PPP4R4: variants seen among roughly 807,000 people sequenced by gnomAD.
The protein encoded by PPP4R4 is protein phosphatase 4 regulatory subunit 4.
PPP4R4 carries 70 observed loss-of-function variants against 121.8 expected under a neutral mutation model. That is an observed-to-expected ratio of 0.57 (90% CI 0.47 to 0.70). PPP4R4 has a LOEUF of 0.70. PPP4R4 is among the 30% of genes least tolerant of loss of function. PPP4R4 has a pLI of 0.00. For synonymous variants in PPP4R4, 348 were observed against 355.7 expected, an observed-to-expected ratio of 0.98 and a Z score of 0.24; for missense variants, 875 against 1,033.6, an observed-to-expected ratio of 0.85 and a Z score of 2.10.
chr14:94,198,828 C>A (rs140053626), intron 2 of PPP4R4, among the ~76,000 whole-genome samples: 52 of 152,258 alleles, frequency 3.4e-4, no homozygotes, highest in African/African-American at 1.2e-3. Flanking sequence ...AACTCAATTG[C>A]GCATTTATGT....
chr14:94,233,057 C>CAAA (rs11399509), intron 5 of PPP4R4, among the ~76,000 whole-genome samples: 1 of 135,010 alleles, frequency 7.4e-6, no homozygotes, highest in Non-Finnish European at 1.6e-5. Flanking sequence ...GACTCCGTCT[C>CAAA]AAAAAAAAAA....
intron 3 of PPP4R4, among the ~76,000 whole-genome samples, chr14:94,218,230 A>C (rs954673414): frequency 1.3e-5 from 2 of 152,182 alleles, no homozygotes; most frequent in Non-Finnish European, 2.9e-5. Flanking sequence ...AGAAAGAGAA[A>C]GGAGAAATGG....
At chr14:94,192,047 T>C (rs2139406146) in intron 2 of PPP4R4, among the ~76,000 whole-genome samples, 1 of 152,232 alleles carries the variant, frequency 6.6e-6, no homozygotes, top group African/African-American at 2.4e-5. Context: ...TGATGATTAA[T>C]GTGATTATGT....
intron 3 of PPP4R4, among the ~76,000 whole-genome samples, chr14:94,217,653 T>C (rs2139479497): frequency 6.6e-6 from 1 of 152,238 alleles, no homozygotes; most frequent in South Asian, 2.1e-4. Flanking sequence ...TGCCTGGATG[T>C]ATAGGGCATT....
chr14:94,227,120 A>G (rs1044127424), intron 3 of PPP4R4, among the ~76,000 whole-genome samples: 52 of 152,206 alleles, frequency 3.4e-4, no homozygotes, highest in African/African-American at 1.1e-3. Flanking sequence ...GAATGGGTAC[A>G]GTTTTTAAAA....
intron 3 of PPP4R4, among the ~76,000 whole-genome samples, chr14:94,224,964 T>C (rs950957561): frequency 7.2e-5 from 11 of 152,154 alleles, no homozygotes; most frequent in Non-Finnish European, 1.5e-4. Flanking sequence ...TAATTTTAGG[T>C]TCTTGATTAC....
intron 2 of PPP4R4, among the ~76,000 whole-genome samples, chr14:94,185,658 T>G (rs1366573302): frequency 6.6e-6 from 1 of 152,216 alleles, no homozygotes; most frequent in East Asian, 1.9e-4. Context: ...AATCATCTGT[T>G]TGGGATTAGG....
chr14:94,218,836 C>T (rs992656726), intron 3 of PPP4R4, among the ~76,000 whole-genome samples: 2 of 152,020 alleles, frequency 1.3e-5, no homozygotes, highest in African/African-American at 2.4e-5. Context: ...ACAAAGGTGA[C>T]AATTGAACAG....
chr14:94,251,928 T>G (rs753673788), intron 16 of PPP4R4, 32 bp downstream of exon 16: 9 of 1,530,862 alleles, frequency 5.9e-6, no homozygotes. Flanking sequence ...ATATTGGAAA[T>G]TGTATTTATT....
At chr14:94,269,892 T>C (rs1240639245) in intron 23 of PPP4R4, among the ~76,000 whole-genome samples, 2 of 152,226 alleles carry the variant, frequency 1.3e-5, no homozygotes, top group African/African-American at 4.8e-5. Flanking sequence ...AAATGTGATA[T>C]AGTATCCTGG....
intron 16 of PPP4R4, among the ~76,000 whole-genome samples, chr14:94,253,798 T>C (rs1566692679): frequency 6.6e-6 from 1 of 152,186 alleles, no homozygotes; most frequent in Non-Finnish European, 1.5e-5. Flanking sequence ...TGGTTCCTAC[T>C]CTCTTGCCTG....
chr14:94,234,662 G>A lies in PPP4R4; in HGVS notation c.724G>A (p.Gly242Ser). 6.3e-7 allele frequency: 1 copy of A among 1,576,110 alleles called. No individual in the cohort carries two copies. The highest frequency in any genetic ancestry group is 1.4e-5 in the African/African-American group (1 of 74,026). ...TCGGCAATTAGAAAATATAGCCCAG[G>A]GCATTGGGTAGGTATACTTTGAATT... Reference protein sequence around the residue: ...MCRQLENIAQGIGTELTKSVV... With the variant: ...MCRQLENIAQSIGTELTKSVV... Residue 242 changes from glycine (G) to serine (S), a missense_variant, in exon 7 of 25, where the codon GGC becomes AGC. By Grantham distance (56) the Gly-to-Ser change is moderately conservative (BLOSUM62 0). Coordinates refer to ENST00000304338, the MANE Select transcript of PPP4R4 (RefSeq NM_058237.2).
chr14:94,231,413 G>T (rs1209426544), intron 5 of PPP4R4, 98 bp downstream of exon 5: 1 of 1,049,104 alleles, frequency 9.5e-7, no homozygotes, highest in East Asian at 2.5e-5. Context: ...AAAGAAAGTT[G>T]TTTTTCATTT....
chr14:94,175,345 A>C (rs1283790410), intron 1 of PPP4R4: 1 of 152,416 alleles, frequency 6.6e-6, no homozygotes, highest in African/African-American at 2.4e-5. Context: ...CCAGGACTGT[A>C]GCTGGGACCC....
chr14:94,214,571 G>C (rs1372737233), intron 3 of PPP4R4, among the ~76,000 whole-genome samples: 1 of 151,506 alleles, frequency 6.6e-6, no homozygotes, highest in Non-Finnish European at 1.5e-5. Flanking sequence ...CTCCTAATAT[G>C]ATTATTTATT....
chr14:94,211,378 A>G (rs1890729507), intron 3 of PPP4R4, among the ~76,000 whole-genome samples: 1 of 152,162 alleles, frequency 6.6e-6, no homozygotes, highest in Non-Finnish European at 1.5e-5. Flanking sequence ...ATGGCAAGGA[A>G]TGCCTTTCTG....
chr14:94,269,670 CAAAA>C (rs1894224725), intron 23 of PPP4R4, among the ~76,000 whole-genome samples: 1 of 149,860 alleles, frequency 6.7e-6, no homozygotes, highest in South Asian at 2.1e-4. Flanking sequence ...AAAAAAAAAA[CAAAA>C]ACAAAAACAA....
At chr14:94,211,814 G>A (rs1413446008) in intron 3 of PPP4R4, among the ~76,000 whole-genome samples, 2 of 152,122 alleles carry the variant, frequency 1.3e-5, no homozygotes, top group Non-Finnish European at 1.5e-5. Context: ...ATGGGTTAAG[G>A]TAGAATGAGC....
chr14:94,180,715 T>A (rs1416757388), intron 2 of PPP4R4, among the ~76,000 whole-genome samples: 1 of 151,422 alleles, frequency 6.6e-6, no homozygotes, highest in African/African-American at 2.4e-5. Context: ...TGGGCTAAAA[T>A]GATCCTCCCA....
Sources: gnomAD v4.1 joint callset for allele counts (sites outside exome capture counted in the v4.1 genomes callset) on GRCh38, gnomAD v4.1.1 for gene constraint, MANE v1.5 for transcripts, NCBI Gene and HGNC (gene_info 2026-07-23, HGNC 2026-07-21) for gene names.